ARAP1: variants seen among roughly 807,000 people sequenced by gnomAD.
The protein encoded by ARAP1 is arf-GAP with Rho-GAP domain, ANK repeat and PH domain-containing protein 1.
ARAP1 carries 76 observed loss-of-function variants against 172.2 expected under a neutral mutation model. That is an observed-to-expected ratio of 0.44 (90% CI 0.37 to 0.53). ARAP1 has a LOEUF of 0.53. Ranked by LOEUF, ARAP1 falls within the 20% of genes least tolerant of loss-of-function variation. The probability of loss-of-function intolerance (pLI) is 0.00; values close to 1 mark genes in which losing one functional copy is unlikely to be tolerated. For synonymous variants in ARAP1, 804 were observed against 803.3 expected, an observed-to-expected ratio of 1.00 and a Z score of -0.01; for missense variants, 1,686 against 1,977.5, an observed-to-expected ratio of 0.85 and a Z score of 2.80.
chr11:72,736,186 T>C (rs1325664722), intron 1 of ARAP1, among the ~76,000 whole-genome samples: 1 of 152,186 alleles, frequency 6.6e-6, no homozygotes, highest in East Asian at 1.9e-4. Context: ...ATTATATACC[T>C]TGAATACTGA....
intron 14 of ARAP1, 39 bp downstream of exon 14, chr11:72,704,113 G>T (rs1303836442): frequency 6.2e-7 from 1 of 1,612,898 alleles, no homozygotes; most frequent in Non-Finnish European, 8.5e-7. Flanking sequence ...AGAAAGACGG[G>T]GGTGGTCCCA....
At chr11:72,715,488 G>C (rs1022431114) in intron 3 of ARAP1, among the ~76,000 whole-genome samples, 2 of 152,120 alleles carry the variant, frequency 1.3e-5, no homozygotes, top group East Asian at 3.8e-4. Flanking sequence ...ATGATGCCAG[G>C]CCTTTCCTCC....
Position 72,702,987 on chromosome 11 carries a change from A to T in ARAP1, c.2085T>A (p.Pro695=). ...CAAGAGCCAGGGGCGTGGGGGCCTC[A>T]GGGTCCCCCGAGAAGCAGTTGATCC... ...GAGINCFSGD[P]EAPTPLALAE... The change falls in exon 15 of 35, where the codon CCT becomes CCA. Residue 695 remains proline, a synonymous_variant. Transcript: ENST00000393609. 1.3e-6 allele frequency: 2 copies of T among 1,568,146 alleles called. No individual in the cohort carries two copies. The highest frequency in any genetic ancestry group is 1.2e-5 in the South Asian group (1 of 85,098).
chr11:72,751,583 C>A (rs1343639439), intron 1 of ARAP1, among the ~76,000 whole-genome samples: 1 of 152,078 alleles, frequency 6.6e-6, no homozygotes, highest in East Asian at 1.9e-4. Flanking sequence ...CCGAGTACCC[C>A]CAGGTATCTG....
At chr11:72,723,929 C>A (rs193081010) in intron 3 of ARAP1, among the ~76,000 whole-genome samples, 30 of 152,316 alleles carry the variant, frequency 2.0e-4, no homozygotes, top group Middle Eastern at 6.8e-3. Context: ...CCTGACAGTG[C>A]ACAAATAACA....
At chr11:72,709,361 G>C (rs532225848) in intron 11 of ARAP1, among the ~76,000 whole-genome samples, 1 of 152,224 alleles carries the variant, frequency 6.6e-6, no homozygotes, top group East Asian at 1.9e-4. Flanking sequence ...CCCAGGATTC[G>C]AACCCAGGCA....
chr11:72,706,046 T>C (rs1856744231), intron 12 of ARAP1, among the ~76,000 whole-genome samples, 156 bp from the exon 13 acceptor site: 1 of 152,168 alleles, frequency 6.6e-6, no homozygotes, highest in Admixed American at 6.5e-5. Flanking sequence ...AGCCGTGTAC[T>C]CTTGCTCCCC....
At chr11:72,688,673 C>G (rs1294114181) in intron 30 of ARAP1, 136 bp from the exon 31 acceptor site, 6 of 703,628 alleles carry the variant, frequency 8.5e-6, no homozygotes, top group Non-Finnish European at 1.2e-5. Flanking sequence ...CTCCAAGAAG[C>G]CTTCCTGATA....
chr11:72,688,339 C>T, intron 31 of ARAP1, 116 bp downstream of exon 31: 1 of 871,464 alleles, frequency 1.1e-6, no homozygotes, highest in Admixed American at 2.4e-5. Context: ...GAGACCACAC[C>T]ATCAGAGCCC....
intron 1 of ARAP1, among the ~76,000 whole-genome samples, chr11:72,748,866 C>G (rs866600771): frequency 6.6e-6 from 1 of 152,168 alleles, no homozygotes; most frequent in African/African-American, 2.4e-5. Flanking sequence ...GCTGGGGACA[C>G]TGGGGTTGAT....
At chr11:72,746,765 C>A (rs985960826) in intron 1 of ARAP1, among the ~76,000 whole-genome samples, 4 of 152,050 alleles carry the variant, frequency 2.6e-5, no homozygotes, top group African/African-American at 9.7e-5. Flanking sequence ...CCCAGAGTCG[C>A]TCCTTACTGC....
Position 72,695,220 on chromosome 11 carries a change from AGG to A in ARAP1, c.3577-125_3577-124del. The stretch of plus-strand genomic sequence containing the variant: ...GCCCTTCTGGAGTCCTGGGATAGAG[AGG>A]GGTATTTCTGAGTGGTCCTTAGGAG... On this transcript the variant is annotated intron_variant, in intron 26 of 34. Transcript: ENST00000393609. This position sits in a 1 kb window ranked among gnomAD's most constrained non-coding sequence, Gnocchi z 4.4. The A allele has an allele frequency of 7.5e-7, 1 of 1,336,302 alleles. No individual in the cohort carries two copies. Among genetic ancestry groups the A allele is most frequent in the South Asian group, 1.3e-5 (1 of 78,916 alleles). The allele number at this position is 1,336,302 out of a possible 1,614,324, so 82.8% of individuals were successfully genotyped here.
Position 72,722,293 on chromosome 11 carries a change from C to CT in ARAP1, c.509+4326dup, listed in dbSNP as rs536637548. The CT allele has an allele frequency of 4.7e-5, 46 of 985,648 alleles. No individual in the cohort carries two copies. The East Asian group carries it at 2.6e-3, about 56-fold the overall frequency. The allele number at this position is 985,648 out of a possible 1,614,324, so 61.1% of individuals were successfully genotyped here. A position where few individuals can be genotyped will look rare whatever the true frequency, so the allele number is the denominator to read the frequency against. On this transcript the variant is annotated intron_variant, in intron 3 of 34. Coordinates refer to ENST00000393609, the MANE Select transcript of ARAP1 (RefSeq NM_001040118.3). ...CTCCCGGAGGCTTCCTGCTTTGTGT[C>CT]TCCCCCACCTCCTGCAGCCGTGGCC...
chr11:72,701,515 A>T, intron 16 of ARAP1, 134 bp downstream of exon 16: 1 of 1,270,640 alleles, frequency 7.9e-7, no homozygotes, highest in Non-Finnish European at 1.1e-6. Context: ...CCTACTGTGT[A>T]CCACAGACTA....
intron 5 of ARAP1, 129 bp from the exon 6 acceptor site, chr11:72,712,697 T>C: frequency 6.9e-7 from 1 of 1,448,696 alleles, no homozygotes; most frequent in Admixed American, 1.7e-5. Flanking sequence ...TTCTGTTTCC[T>C]CACACTCCCC....
chr11:72,749,169 C>T (rs971318116), intron 1 of ARAP1, among the ~76,000 whole-genome samples: 2 of 152,140 alleles, frequency 1.3e-5, no homozygotes, highest in Admixed American at 1.3e-4. Flanking sequence ...GGTCACCACC[C>T]GGGGAAAGCA....
intron 2 of ARAP1, among the ~76,000 whole-genome samples, chr11:72,731,136 G>A (rs568714591): frequency 5.5e-4 from 84 of 152,216 alleles, no homozygotes; most frequent in Admixed American, 2.9e-3. Flanking sequence ...CTCCTAGGAC[G>A]AAAACTAAGG....
chr11:72,739,305 G>A (rs1447982446), intron 1 of ARAP1, among the ~76,000 whole-genome samples: 1 of 152,140 alleles, frequency 6.6e-6, no homozygotes, highest in African/African-American at 2.4e-5. Context: ...AACTCTCCCT[G>A]GCACCAGGAG....
Position 72,725,536 on chromosome 11 carries a change from C to T in ARAP1, c.509+1084G>A, listed in dbSNP as rs1468134945. Among the ~76,000 whole-genome samples the T allele has an allele frequency of 6.6e-6, 1 of 152,058 alleles. No individual in the cohort carries two copies. The highest frequency in any genetic ancestry group is 1.9e-4 in the East Asian group (1 of 5,174). ...TGCTTCTACCAATCAACCCTCAAAA[C>T]ACCACAGCACTAGCTTGGTCTTCAA... On this transcript the variant is annotated intron_variant, in intron 3 of 34. Transcript: ENST00000393609. The surrounding 1 kb of genome is among the most constrained non-coding windows in gnomAD (Gnocchi z 4.3).
Sources: allele counts gnomAD v4.1 joint callset (sites outside exome capture counted in the v4.1 genomes callset), GRCh38; gene constraint gnomAD v4.1.1; non-coding constraint Gnocchi (gnomAD v3.1); transcripts MANE v1.5; gene names NCBI Gene and HGNC (gene_info 2026-07-23, HGNC 2026-07-21).